The following SURF2 variants were observed in gnomAD, a reference collection of about 807,000 sequenced individuals.
The protein encoded by SURF2 is surfeit 2.
In SURF2, 32 loss-of-function variants were observed where a neutral mutation model predicts 26.2. The observed-to-expected ratio is 1.22, with a 90% CI of 0.92 to 1.64. The LOEUF (loss-of-function observed/expected upper bound fraction) is 1.64. SURF2 is among the 40% of genes most tolerant of loss of function. The pLI is 0.00. For synonymous variants in SURF2, 173 were observed against 139.1 expected, an observed-to-expected ratio of 1.24 and a Z score of -1.71; for missense variants, 415 against 341.6, an observed-to-expected ratio of 1.21 and a Z score of -1.69.
Position 133,360,401 on chromosome 9 carries a change from CGT to C in SURF2, c.657_658del (p.Tyr220ProfsTer33). 1 of 1,612,336 alleles carries C rather than the reference CGT, an allele frequency of 6.2e-7. No individual in the cohort carries two copies. The highest frequency in any genetic ancestry group is 8.5e-7 in the Non-Finnish European group (1 of 1,179,852). On this transcript the variant is annotated frameshift_variant, in exon 5 of 6. Coordinates refer to ENST00000371964, the MANE Select transcript of SURF2 (RefSeq NM_017503.5). LOFTEE classifies it low-confidence loss of function (END_TRUNC). ...CTGATGAGGGCAGGAGAGAGACGAC[CGT>C]GTACCGAGGGCTGGTCCAGAAGCGC... The part of the protein sequence containing the change: ...ATDEGRRETT[V>X]YRGLVQKRGK...
chr9:133,357,864 C>A, intron 3 of SURF2, 50 bp downstream of exon 3: 1 of 1,562,080 alleles, frequency 6.4e-7, no homozygotes, highest in South Asian at 1.1e-5. Flanking sequence ...AGTGCATGCC[C>A]GCCTTGCCCC....
In SURF2 at chr9:133,361,100, C is replaced by G. The variant is rs2130057749; in HGVS notation, c.732C>G (p.Arg244=). ...SLKKKFKSHH[R]KPKSFSSCKQ... Reference sequence around the variant, plus strand: ...AAAAGAAGTTCAAGAGTCATCACCGCAAACCCAAGAGCTTCAGCTCCTGTA... The same window carrying G: ...AAAAGAAGTTCAAGAGTCATCACCGGAAACCCAAGAGCTTCAGCTCCTGTA... The change falls in exon 6 of 6, where the codon CGC becomes CGG. Residue 244 remains arginine (R), a synonymous_variant. Coordinates refer to ENST00000371964, the MANE Select transcript of SURF2 (RefSeq NM_017503.5). The G allele has an allele frequency of 1.1e-5, 18 of 1,614,196 alleles. No individual in the cohort carries two copies. In the East Asian group the frequency reaches 3.6e-4, roughly 32 times the overall value.
intron 1 of SURF2, 103 bp downstream of exon 1, chr9:133,356,773 GGGGAGA>G: frequency 7.1e-7 from 1 of 1,413,224 alleles, no homozygotes; most frequent in Non-Finnish European, 9.3e-7. Context: ...AGAGGGGAGA[GGGGAGA>G]GCAGGAGAGA....
At chr9:133,356,753 AGGGCAGG>A in intron 1 of SURF2, 83 bp downstream of exon 1, 2 of 931,446 alleles carry the variant, frequency 2.1e-6, no homozygotes, top group Non-Finnish European at 2.9e-6. Flanking sequence ...GGGAGAGGAG[AGGGCAGG>A]GGAGAGGGGA....
At chr9:133,359,810 C>G in intron 3 of SURF2, 140 bp from the exon 4 acceptor site, 1 of 1,005,470 alleles carries the variant, frequency 9.9e-7, no homozygotes, top group Non-Finnish European at 1.4e-6. Context: ...AGAGCTGAGG[C>G]ACCCAGCAGC....
intron 2 of SURF2, chr9:133,357,353 C>A: frequency 1.9e-6 from 1 of 521,598 alleles, no homozygotes. Flanking sequence ...CCCTTAACCC[C>A]AGAAGGGGTC....
intron 3 of SURF2, among the ~76,000 whole-genome samples, chr9:133,359,563 A>G (rs1428195988): frequency 6.6e-6 from 1 of 152,162 alleles, no homozygotes; most frequent in Non-Finnish European, 1.5e-5. Flanking sequence ...CTGAGGGAGG[A>G]CTTCAGGCTG....
chr9:133,356,712 C>T, intron 1 of SURF2, 42 bp downstream of exon 1: 1 of 1,479,046 alleles, frequency 6.8e-7, no homozygotes, highest in South Asian at 1.3e-5. Context: ...GAGAAGGGCG[C>T]AGTTGGGATG....
chr9:133,360,260 C>G lies in SURF2; in HGVS notation c.518-5C>G. On this transcript the variant is annotated splice_polypyrimidine_tract_variant and splice_region_variant and intron_variant, in intron 4 of 5. Transcript: ENST00000371964. ...ACTGTCAGCCAATCCCTGTGTTCCT[C>G]CCAGCTGAGCTATTCACCAGAAAGG... The G allele has an allele frequency of 6.2e-7, 1 of 1,613,010 alleles. No individual in the cohort carries two copies. Among genetic ancestry groups the G allele is most frequent in the African/African-American group, 1.3e-5 (1 of 74,974 alleles).
At position 133,360,294 on chromosome 9, in the gene SURF2, A is replaced by C; in HGVS notation, c.547A>C (p.Ser183Arg). ...GCTATTCACCAGAAAGGACCTTGGA[A>C]GCACGGAGGATGGGGATGGCACTGA... is the stretch of plus-strand genomic sequence containing the variant. ...PELFTRKDLG[S>R]TEDGDGTDDF... Residue 183 changes from serine (S) to arginine (R), a missense_variant, in exon 5 of 6, where the codon AGC becomes CGC. Coordinates refer to ENST00000371964, the MANE Select transcript of SURF2 (RefSeq NM_017503.5). 3.1e-6 allele frequency: 5 copies of C among 1,614,176 alleles called. No homozygotes were observed. The highest frequency in any genetic ancestry group is 1.6e-4 in the Middle Eastern group (1 of 6,062).
rs2130030118 is a variant in SURF2, at chr9:133,356,760, G to A, written c.78+90G>A. On this transcript the variant is annotated intron_variant, in intron 1 of 5. Transcript: ENST00000371964. ...GAGGGCAGGGGAGAGGAGAGGGCAGGGGAGAGGGGAGAGGGGAGAGCAGGA... is the reference window on the plus strand; with the variant it reads ...GAGGGCAGGGGAGAGGAGAGGGCAGAGGAGAGGGGAGAGGGGAGAGCAGGA... 4.0e-5 allele frequency: 53 copies of A among 1,317,044 alleles called. No individual in the cohort carries two copies. In the African/African-American group the frequency reaches 7.5e-4, roughly 19 times the overall value. The allele number at this position is 1,317,044 out of a possible 1,614,324, so 81.6% of individuals were successfully genotyped here.
At chr9:133,360,588 A>G (rs941452868) in intron 5 of SURF2, among the ~76,000 whole-genome samples, 154 bp downstream of exon 5, 2 of 152,264 alleles carry the variant, frequency 1.3e-5, no homozygotes, top group Admixed American at 1.3e-4. Flanking sequence ...TGGCTGGCGG[A>G]AGGCCGTGAG....
At position 133,357,800 on chromosome 9, in the gene SURF2, G is replaced by A; in HGVS notation, c.323G>A (p.Arg108Gln). 1.9e-6 allele frequency: 3 copies of A among 1,613,478 alleles called. No homozygotes were observed. Among genetic ancestry groups the A allele is most frequent in the South Asian group, 1.1e-5 (1 of 91,084 alleles). Residue 108 changes from arginine (R) to glutamine (Q), a missense_variant, in exon 3 of 6, where the codon CGA becomes CAA. Physicochemically the swap from Arg to Gln is conservative, Grantham distance 43. Coordinates refer to ENST00000371964, the MANE Select transcript of SURF2 (RefSeq NM_017503.5). ...LRHTQGRRYQ[R>Q]ALCKYEECQK... is the part of the protein sequence containing the mutation. ...CACACCCAGGGCCGGCGGTACCAGC[G>A]AGCTCTGTGTAAATGTAAGTCCCAG...
intron 2 of SURF2, 61 bp from the exon 3 acceptor site, chr9:133,357,650 G>C: frequency 6.5e-7 from 1 of 1,527,092 alleles, no homozygotes; most frequent in Non-Finnish European, 9.1e-7. Context: ...CCAAGACACA[G>C]CCACCAGTCT....
At chr9:133,360,822 G>A (rs1179874945) in intron 5 of SURF2, among the ~76,000 whole-genome samples, 1 of 152,260 alleles carries the variant, frequency 6.6e-6, no homozygotes, top group East Asian at 1.9e-4. Flanking sequence ...GCAGGACCAA[G>A]GCCAAAAGAG....
In SURF2 at chr9:133,360,242, G is replaced by C. The variant is rs1836726590; in HGVS notation, c.518-23G>C. The C allele has an allele frequency of 2.5e-6, 4 of 1,610,590 alleles. No individual in the cohort carries two copies. In the African/African-American group the frequency reaches 4.0e-5, roughly 16 times the overall value. On this transcript the variant is annotated intron_variant, in intron 4 of 5. Coordinates refer to ENST00000371964, the MANE Select transcript of SURF2 (RefSeq NM_017503.5). ...CGAACTCAGCCTAAAATAACTGTCAGCCAATCCCTGTGTTCCTCCCAGCTG... is the reference window on the plus strand; with the variant it reads ...CGAACTCAGCCTAAAATAACTGTCACCCAATCCCTGTGTTCCTCCCAGCTG...
Position 133,356,606 on chromosome 9 carries a change from C to A in SURF2, c.14C>A (p.Pro5Gln), listed in dbSNP as rs1443228220. 6.6e-7 allele frequency: 1 copy of A among 1,524,892 alleles called. No homozygotes were observed. Among genetic ancestry groups the A allele is most frequent in the East Asian group, 2.5e-5 (1 of 39,318 alleles). The allele number at this position is 1,524,892 out of a possible 1,614,324, so 94.5% of individuals were successfully genotyped here. A position where few individuals can be genotyped will look rare whatever the true frequency, so the allele number is the denominator to read the frequency against. The part of the protein sequence containing the change: MSEL[P>Q]GDVRAFLREH... The stretch of plus-strand genomic sequence containing the variant: ...GGCGCGTCGGCCATGAGCGAGTTGC[C>A]GGGCGACGTGCGGGCGTTTCTGCGG... The change falls in exon 1 of 6, where the codon CCG (proline) becomes CAG (glutamine). Residue 5 changes from proline (P) to glutamine (Q), a missense_variant. By Grantham distance (76) the Pro-to-Gln change is moderately conservative. Transcript: ENST00000371964.
In SURF2 at chr9:133,359,946, C is replaced by T. The variant is rs1345052924; in HGVS notation, c.338-4C>T. ...TACCCAGCACGTGCTGGCTTATCTC[C>T]CAGATGAAGAATGTCAGAAGCAAGG... On this transcript the variant is annotated splice_polypyrimidine_tract_variant and splice_region_variant and intron_variant, in intron 3 of 5. Transcript: ENST00000371964. The T allele has an allele frequency of 6.2e-7, 1 of 1,605,886 alleles. No individual in the cohort carries two copies. The highest frequency in any genetic ancestry group is 8.5e-7 in the Non-Finnish European group (1 of 1,175,298).
At position 133,357,024 on chromosome 9, in the gene SURF2, C is replaced by G. The variant is rs1296350012; in HGVS notation, c.189C>G (p.Asp63Glu). 2.5e-6 allele frequency: 4 copies of G among 1,576,260 alleles called. No individual in the cohort carries two copies. The highest frequency in any genetic ancestry group is 2.3e-5 in the East Asian group (1 of 43,180). ...TGGTCCGCGCCTCCCCGGCCTTCGA[C>G]TATGCAGAGTTCGAGCCGCACATCG... ...QRLVRASPAF[D>E]YAEFEPHIVP... The change falls in exon 2 of 6, where the codon GAC becomes GAG. Residue 63 changes from aspartate (D) to glutamate (E), a missense_variant. By Grantham distance (45) the Asp-to-Glu change is conservative (BLOSUM62 2). Coordinates refer to ENST00000371964, the MANE Select transcript of SURF2 (RefSeq NM_017503.5).
Sources: allele counts gnomAD v4.1 joint callset (sites outside exome capture counted in the v4.1 genomes callset), GRCh38; gene constraint gnomAD v4.1.1; transcripts MANE v1.5; gene names NCBI Gene and HGNC (gene_info 2026-07-23, HGNC 2026-07-21).